Variants in KIAA1328 observed in about 807,000 individuals in gnomAD.
The protein encoded by KIAA1328 is protein hinderin.
KIAA1328 carries 52 observed loss-of-function variants against 68.1 expected under a neutral mutation model. The ratio of observed to expected loss-of-function variants is 0.76; its 90% CI spans 0.61 to 0.96. The LOEUF (loss-of-function observed/expected upper bound fraction) is 0.96, where lower values mean the gene tolerates loss of function less well. Ranked by LOEUF, KIAA1328 falls within the 40% of genes least tolerant of loss-of-function variation. The pLI, the probability that KIAA1328 is intolerant of heterozygous loss-of-function variation, is 0.00. For synonymous variants in KIAA1328, 232 were observed against 239.4 expected, an observed-to-expected ratio of 0.97 and a Z score of 0.28; for missense variants, 641 against 677.6, an observed-to-expected ratio of 0.95 and a Z score of 0.60.
At chr18:37,082,817 G>T (rs2056992021) in intron 7 of KIAA1328, among the ~76,000 whole-genome samples, 1 of 152,120 alleles carries the variant, frequency 6.6e-6, no homozygotes, top group South Asian at 2.1e-4. Flanking sequence ...TCATGATTGT[G>T]CCAAGAACCA....
intron 5 of KIAA1328, among the ~76,000 whole-genome samples, chr18:36,939,307 C>G (rs7244957): frequency 0.6 from 90,760 of 151,942 alleles, 28,912 homozygotes; most frequent in East Asian, 0.87. Flanking sequence ...ATTTCACCTT[C>G]TTGGTTAAAT....
intron 7 of KIAA1328, among the ~76,000 whole-genome samples, chr18:37,113,103 G>A (rs1047460291): frequency 6.6e-6 from 1 of 152,158 alleles, no homozygotes; most frequent in East Asian, 1.9e-4. Context: ...TCAACCAGGA[G>A]AACTTCCCCA....
chr18:37,077,820 A>G (rs2056798507), intron 7 of KIAA1328, among the ~76,000 whole-genome samples: 1 of 151,418 alleles, frequency 6.6e-6, no homozygotes, highest in Non-Finnish European at 1.5e-5. Context: ...TGCTCAATGA[A>G]ATAAAAGAGG....
chr18:36,920,791 G>A lies in KIAA1328; in HGVS notation c.448+35119G>A, dbSNP rs1180252407. On this transcript the variant is annotated intron_variant, in intron 5 of 9. Coordinates refer to ENST00000280020, the MANE Select transcript of KIAA1328 (RefSeq NM_020776.3). ...CAGTGTTTTTTTTCATTGGCCACAGGTGTTTCATTCCATAAGTATATGGAT... is the reference window on the plus strand; with the variant it reads ...CAGTGTTTTTTTTCATTGGCCACAGATGTTTCATTCCATAAGTATATGGAT... Among the ~76,000 whole-genome samples the A allele has an allele frequency of 2.6e-5, 4 of 152,254 alleles. 1 individual carries two copies. In the South Asian group the frequency reaches 8.3e-4, roughly 32 times the overall value.
At position 37,224,821 on chromosome 18, in the gene KIAA1328, C is replaced by A; in HGVS notation, c.*2594C>A. 1.0e-6 allele frequency: 1 copy of A among 985,472 alleles called. No homozygotes were observed. Among genetic ancestry groups the A allele is most frequent in the South Asian group, 4.7e-5 (1 of 21,284 alleles). 61.0% of individuals were successfully genotyped at this position (985,472 alleles called of 1,614,324 possible). A position where few individuals can be genotyped will look rare whatever the true frequency, so the allele number is the denominator to read the frequency against. On this transcript the variant is annotated 3_prime_UTR_variant, in exon 10 of 10. Transcript: ENST00000280020. ...TTGCGGATAGTGCCTCACCATTGCC[C>A]ACCCTGCTGCCCAACTCCTGTGAGA...
intron 5 of KIAA1328, among the ~76,000 whole-genome samples, chr18:36,915,650 A>T (rs568816173): frequency 1.5e-4 from 23 of 152,314 alleles, no homozygotes; most frequent in Middle Eastern, 6.8e-3. Context: ...CTTCTAGAAT[A>T]GGTAAAGTAA....
intron 9 of KIAA1328, among the ~76,000 whole-genome samples, chr18:37,184,221 G>A (rs1339169766): frequency 6.6e-6 from 1 of 152,104 alleles, no homozygotes; most frequent in Non-Finnish European, 1.5e-5. Context: ...TATACATCTA[G>A]TTGTACTTCT....
At chr18:37,173,219 T>A in intron 9 of KIAA1328, 138 bp downstream of exon 9, 1 of 619,318 alleles carries the variant, frequency 1.6e-6, no homozygotes, top group Non-Finnish European at 2.7e-6. Flanking sequence ...TTGAAGCATC[T>A]AGATTTGGCC....
At chr18:37,169,166 T>TTA (rs2059447635) in intron 8 of KIAA1328, among the ~76,000 whole-genome samples, 1 of 150,420 alleles carries the variant, frequency 6.6e-6, no homozygotes, top group Admixed American at 6.6e-5. Flanking sequence ...ATTTATTTAT[T>TTA]TATATTTTTT....
intron 5 of KIAA1328, among the ~76,000 whole-genome samples, chr18:36,914,284 A>G (rs1000304837): frequency 6.6e-6 from 1 of 152,218 alleles, no homozygotes; most frequent in Non-Finnish European, 1.5e-5. Context: ...AGGCGCTGTG[A>G]TAAGACAGCA....
intron 4 of KIAA1328, among the ~76,000 whole-genome samples, chr18:36,866,242 T>G (rs562688518): frequency 8.5e-5 from 13 of 152,120 alleles, no homozygotes; most frequent in Non-Finnish European, 1.5e-5. Context: ...AGGCTGCTTC[T>G]CCACATGGAT....
chr18:37,224,628 G>A lies in KIAA1328; in HGVS notation c.*2401G>A, dbSNP rs1231773586. 4.1e-6 allele frequency: 4 copies of A among 984,026 alleles called. No homozygotes were observed. The highest frequency in any genetic ancestry group is 1.2e-4 in the Admixed American group (2 of 16,254). 61.0% of individuals were successfully genotyped at this position (984,026 alleles called of 1,614,324 possible). On this transcript the variant is annotated 3_prime_UTR_variant, in exon 10 of 10. Coordinates refer to ENST00000280020, the MANE Select transcript of KIAA1328 (RefSeq NM_020776.3). ...AATATATACATACATATGAATGAAA[G>A]GTTGTTACAGAGCCTCAAAGCTGTT... is the stretch of plus-strand genomic sequence containing the variant.
rs1183002272 is a variant in KIAA1328, at chr18:36,909,708, A to G, written c.448+24036A>G. The stretch of plus-strand genomic sequence containing the variant: ...AGTTCTAGATCCTTGAGGAATCGCC[A>G]CACTGTGTTCCACAATGGTTGAACC... On this transcript the variant is annotated intron_variant, in intron 5 of 9. Coordinates refer to ENST00000280020, the MANE Select transcript of KIAA1328 (RefSeq NM_020776.3). 2.0e-5 allele frequency among the ~76,000 whole-genome samples: 3 copies of G among 152,230 alleles called. No individual in the cohort carries two copies. In the East Asian group the frequency reaches 5.8e-4, roughly 29 times the overall value.
At position 37,070,547 on chromosome 18, in the gene KIAA1328, C is replaced by G. The variant is rs867748356; in HGVS notation, c.1232+3002C>G. ...TCTTGGTAGATCGACCATCTTTTCACTATGTAATGTCTTTCTCTGTCCCCA... is the reference window on the plus strand; with the variant it reads ...TCTTGGTAGATCGACCATCTTTTCAGTATGTAATGTCTTTCTCTGTCCCCA... On this transcript the variant is annotated intron_variant, in intron 7 of 9. Coordinates refer to ENST00000280020, the MANE Select transcript of KIAA1328 (RefSeq NM_020776.3). Among the ~76,000 whole-genome samples, 47 of 150,912 alleles carry G rather than the reference C, an allele frequency of 3.1e-4. 1 individual carries two copies. Among genetic ancestry groups the G allele is most frequent in the African/African-American group, 1.1e-3 (44 of 41,252 alleles).
intron 7 of KIAA1328, among the ~76,000 whole-genome samples, chr18:37,139,020 G>A (rs967499652): frequency 1.5e-5 from 2 of 131,660 alleles, no homozygotes; most frequent in East Asian, 2.3e-4. Context: ...GCAGTGGCAC[G>A]ATCTTGGCTC....
chr18:37,181,313 C>T (rs1239845968), intron 9 of KIAA1328, among the ~76,000 whole-genome samples: 2 of 151,924 alleles, frequency 1.3e-5, no homozygotes, highest in African/African-American at 4.8e-5. Flanking sequence ...ATGCCTGTCT[C>T]CCATGTTTAA....
At chr18:37,142,708 T>TG (rs2154208361) in intron 7 of KIAA1328, among the ~76,000 whole-genome samples, 2 of 152,234 alleles carry the variant, frequency 1.3e-5, no homozygotes, top group Non-Finnish European at 2.9e-5. Context: ...TGCCACACAC[T>TG]GGGTTACTTG....
intron 7 of KIAA1328, among the ~76,000 whole-genome samples, chr18:37,071,758 C>T (rs2056542362): frequency 6.6e-6 from 1 of 152,120 alleles, no homozygotes; most frequent in South Asian, 2.1e-4. Context: ...TTATTGGTTG[C>T]TCTAAGTATT....
At chr18:36,934,758 A>G (rs1182234942) in intron 5 of KIAA1328, among the ~76,000 whole-genome samples, 1 of 152,144 alleles carries the variant, frequency 6.6e-6, no homozygotes, top group East Asian at 1.9e-4. Context: ...CCTTTGAAGG[A>G]TAATTATTTC....
Sources: allele counts gnomAD v4.1 joint callset (sites outside exome capture counted in the v4.1 genomes callset), GRCh38; gene constraint gnomAD v4.1.1; transcripts MANE v1.5; gene names NCBI Gene and HGNC (gene_info 2026-07-23, HGNC 2026-07-21).